Variants in PCDHGB5 observed in about 807,000 individuals in gnomAD.
PCDHGB5 encodes the protein protocadherin gamma-B5.
PCDHGB5 carries 48 observed loss-of-function variants against 62.9 expected under a neutral mutation model. That is an observed-to-expected ratio of 0.76 (90% CI 0.61 to 0.97). PCDHGB5 has a LOEUF of 0.97. Ranked by LOEUF, PCDHGB5 falls within the 50% of genes least tolerant of loss-of-function variation. The pLI, the probability that PCDHGB5 is intolerant of heterozygous loss-of-function variation, is 0.00. For synonymous variants in PCDHGB5, 474 were observed against 511.2 expected, an observed-to-expected ratio of 0.93 and a Z score of 0.98; for missense variants, 1,118 against 1,198.6, an observed-to-expected ratio of 0.93 and a Z score of 0.99.
chr5:141,410,140 G>GCGTGA, intron 1 of PCDHGB5: 1 of 1,612,782 alleles, frequency 6.2e-7, no homozygotes, highest in Non-Finnish European at 8.5e-7. Flanking sequence ...TGGTCGCTGT[G>GCGTGA]CGTGACGGTG....
Position 141,485,294 on chromosome 5 carries a change from G to A in PCDHGB5, c.2398-9513G>A, listed in dbSNP as rs2099611126. Reference sequence around the variant, plus strand: ...CTACCCGGTCCCAGAGGAGTCACAGGAAGGGACTTTTGTAGGGAATGTCGC... The same window carrying A: ...CTACCCGGTCCCAGAGGAGTCACAGAAAGGGACTTTTGTAGGGAATGTCGC... On this transcript the variant is annotated intron_variant, in intron 1 of 3. Coordinates refer to ENST00000617380, the MANE Select transcript of PCDHGB5 (RefSeq NM_018925.3). The surrounding 1 kb of genome is among the most constrained non-coding windows in gnomAD (Gnocchi z 5.7). The A allele has an allele frequency of 6.2e-7, 1 of 1,614,044 alleles. No homozygotes were observed. Among genetic ancestry groups the A allele is most frequent in the Non-Finnish European group, 8.5e-7 (1 of 1,179,988 alleles).
rs776718024 is a variant in PCDHGB5 at position 141,486,333 on chromosome 5, T to C, written c.2398-8474T>C. 8.1e-6 allele frequency: 13 copies of C among 1,614,080 alleles called. No individual in the cohort carries two copies. Among genetic ancestry groups the C allele is most frequent in the Non-Finnish European group, 1.1e-5 (13 of 1,179,998 alleles). On this transcript the variant is annotated intron_variant, in intron 1 of 3. Coordinates refer to ENST00000617380, the MANE Select transcript of PCDHGB5 (RefSeq NM_018925.3). The surrounding 1 kb of genome is among the most constrained non-coding windows in gnomAD (Gnocchi z 5.0). ...TCAGGGTCAAACGGAGATGTGAGCC[T>C]CCGCATTCCTGACCACTTGCCATTT...
intron 1 of PCDHGB5, among the ~76,000 whole-genome samples, chr5:141,433,805 C>T (rs1325364387): frequency 1.3e-5 from 2 of 150,004 alleles, no homozygotes; most frequent in South Asian, 4.2e-4. Flanking sequence ...CCATTGCACT[C>T]CAGCCTGGGC....
intron 1 of PCDHGB5, chr5:141,419,964 T>A (rs151105903): frequency 1.2e-6 from 2 of 1,613,964 alleles, no homozygotes; most frequent in African/African-American, 2.7e-5. Context: ...ATTTCTGTGC[T>A]CTTTCTCCTC....
At chr5:141,409,405 C>T in intron 1 of PCDHGB5, 1 of 1,614,050 alleles carries the variant, frequency 6.2e-7, no homozygotes, top group Non-Finnish European at 8.5e-7. Context: ...CCAATAACTA[C>T]TACAAACTGG....
Position 141,491,547 on chromosome 5 carries a change from G to A in PCDHGB5, c.2398-3260G>A. On this transcript the variant is annotated intron_variant, in intron 1 of 3. Transcript: ENST00000617380. This position sits in a 1 kb window ranked among gnomAD's most constrained non-coding sequence, Gnocchi z 6.9. ...AGGTGACGCTGCGGCCCACAGACTC[G>A]CAGAGCCACTGCTACAGGACGTGCT... is the stretch of plus-strand genomic sequence containing the variant. The A allele has an allele frequency of 4.3e-6, 7 of 1,613,974 alleles. No individual in the cohort carries two copies. The highest frequency in any genetic ancestry group is 5.9e-6 in the Non-Finnish European group (7 of 1,180,022).
chr5:141,404,169 C>T (rs199556803), intron 1 of PCDHGB5: 118 of 1,612,734 alleles, frequency 7.3e-5, no homozygotes, highest in Non-Finnish European at 8.8e-5. Flanking sequence ...AGATTGTTGA[C>T]GGCCCAAATT....
intron 1 of PCDHGB5, chr5:141,403,617 G>A (rs369607013): frequency 1.8e-4 from 288 of 1,613,738 alleles, no homozygotes; most frequent in East Asian, 1.0e-3. Context: ...GAGCCGCGTC[G>A]CTCCAGCACA....
chr5:141,462,253 A>C (rs7717600), intron 1 of PCDHGB5, among the ~76,000 whole-genome samples: 42,489 of 152,124 alleles, frequency 0.28, 6,669 homozygotes, highest in African/African-American at 0.43. Context: ...AGCCACCATG[A>C]CCAGCCTAAA....
At chr5:141,459,302 A>T (rs1401348885) in intron 1 of PCDHGB5, among the ~76,000 whole-genome samples, 1 of 152,210 alleles carries the variant, frequency 6.6e-6, no homozygotes, top group African/African-American at 2.4e-5. Flanking sequence ...CCTATAACAT[A>T]TACTATTTTG....
chr5:141,433,357 G>GCCTA, intron 1 of PCDHGB5: 1 of 569,056 alleles, frequency 1.8e-6, no homozygotes, highest in Non-Finnish European at 3.1e-6. Context: ...CCTACTGTCT[G>GCCTA]CCTATCTATC....
At position 141,399,337 on chromosome 5, in the gene PCDHGB5, GGAACCCTAGACC is replaced by G. The variant is rs754766358; in HGVS notation, c.1213_1224del (p.Thr405_Arg408del). 29 of 1,613,990 alleles carry G rather than the reference GGAACCCTAGACC, an allele frequency of 1.8e-5. No individual in the cohort carries two copies. In the South Asian group the frequency reaches 3.1e-4, roughly 17 times the overall value. Reference sequence around the variant, plus strand: ...AAATTCGTATAAGTTGGTAACAGATGGAACCCTAGACCGAGAGCAAACCCCGGAGTACAATGT... The same window carrying G: ...AAATTCGTATAAGTTGGTAACAGATGGAGAGCAAACCCCGGAGTACAATGT... On this transcript the variant is annotated inframe_deletion, in exon 1 of 4. Transcript: ENST00000617380.
chr5:141,504,315 A>G (rs573050088), intron 2 of PCDHGB5, among the ~76,000 whole-genome samples: 1 of 152,248 alleles, frequency 6.6e-6, no homozygotes, highest in East Asian at 1.9e-4. Flanking sequence ...AGTTTCTAAA[A>G]GTCTCACTTA....
At chr5:141,502,056 C>A (rs1163976282) in intron 2 of PCDHGB5, among the ~76,000 whole-genome samples, 1 of 152,116 alleles carries the variant, frequency 6.6e-6, no homozygotes, top group Non-Finnish European at 1.5e-5. Context: ...CTACTTTATT[C>A]CCATTAGCCC....
At chr5:141,433,208 CTTT>C (rs745329085) in intron 1 of PCDHGB5, 6 of 1,292,918 alleles carry the variant, frequency 4.6e-6, no homozygotes, top group East Asian at 2.6e-5. Flanking sequence ...AATCTTCTTT[CTTT>C]TTTTTTTTTA....
At chr5:141,446,831 T>C (rs1237079019) in intron 1 of PCDHGB5, among the ~76,000 whole-genome samples, 2 of 152,186 alleles carry the variant, frequency 1.3e-5, no homozygotes, top group East Asian at 3.9e-4. Context: ...TAGATCCTTA[T>C]AAGGCTGAGC....
At chr5:141,479,633 T>TAACAAC (rs749744124) in intron 1 of PCDHGB5, 1 of 152,114 alleles carries the variant, frequency 6.6e-6, no homozygotes, top group Admixed American at 6.5e-5. Flanking sequence ...TCTTTAACAA[T>TAACAAC]AACAACAACA....
In PCDHGB5 at chr5:141,477,013, T is replaced by A. The variant is rs1285961519; in HGVS notation, c.2398-17794T>A. On this transcript the variant is annotated intron_variant, in intron 1 of 3. Coordinates refer to ENST00000617380, the MANE Select transcript of PCDHGB5 (RefSeq NM_018925.3). This position sits in a 1 kb window ranked among gnomAD's most constrained non-coding sequence, Gnocchi z 4.9. ...TGCGGCAACTATTCGCCTTAGACCT[T>A]GTAACCGGGATGCTGACAATCAAGG... is the stretch of plus-strand genomic sequence containing the variant. 6.2e-7 allele frequency: 1 copy of A among 1,614,204 alleles called. No individual in the cohort carries two copies. The highest frequency in any genetic ancestry group is 2.2e-5 in the East Asian group (1 of 44,878).
At position 141,399,511 on chromosome 5, in the gene PCDHGB5, C is replaced by A. The variant is rs1252813422; in HGVS notation, c.1384C>A (p.Pro462Thr). The change falls in exon 1 of 4, where the codon CCT (proline) becomes ACT (threonine). Residue 462 changes from proline to threonine, a missense_variant. Physicochemically the swap from Pro to Thr is conservative, Grantham distance 38. Around this residue, in one of 2 missense-constraint regions of PCDHGB5, gnomAD observed 1,034 missense variants for 1,029.1 expected, o/e 1.00. Coordinates refer to ENST00000617380, the MANE Select transcript of PCDHGB5 (RefSeq NM_018925.3). Reference protein sequence around the residue: ...SYLVSVPENNPPGASIAQVCA... With the variant: ...SYLVSVPENNTPGASIAQVCA... ...CTTAGTCAGTGTACCCGAAAACAACCCTCCTGGGGCCTCCATCGCGCAAGT... is the reference window on the plus strand; with the variant it reads ...CTTAGTCAGTGTACCCGAAAACAACACTCCTGGGGCCTCCATCGCGCAAGT... 1 of 1,613,924 alleles carries A rather than the reference C, an allele frequency of 6.2e-7. No individual in the cohort carries two copies. Among genetic ancestry groups the A allele is most frequent in the African/African-American group, 1.3e-5 (1 of 74,958 alleles).
Sources: gnomAD v4.1 joint callset for allele counts (sites outside exome capture counted in the v4.1 genomes callset) on GRCh38, gnomAD v4.1.1 for gene constraint, gnomAD v4.1.1 regional missense constraint, Gnocchi (gnomAD v3.1) non-coding constraint, MANE v1.5 for transcripts, NCBI Gene and HGNC (gene_info 2026-07-23, HGNC 2026-07-21) for gene names.